ZBED4: variants seen among roughly 807,000 people sequenced by gnomAD.
ZBED4 encodes zinc finger BED domain-containing protein 4.
Under a neutral mutation model 15.5 loss-of-function variants are expected in ZBED4, and 4 were observed. The observed-to-expected ratio is 0.26, with a 90% CI of 0.13 to 0.59. ZBED4 has a LOEUF of 0.59. ZBED4 is among the 20% of genes least tolerant of loss of function. The pLI, the probability that ZBED4 is intolerant of heterozygous loss-of-function variation, is 0.90. For synonymous variants in ZBED4, 692 were observed against 608.5 expected (o/e 1.14, Z -2.02); for missense variants, 1,323 against 1,461.8 (o/e 0.91, Z 1.55).
At chr22:49,869,586 C>T (rs370569357) in intron 1 of ZBED4, among the ~76,000 whole-genome samples, 1 of 152,150 alleles carries the variant, frequency 6.6e-6, no homozygotes, top group East Asian at 1.9e-4. Flanking sequence ...AGATGTCATT[C>T]CTCTGTCTCC....
At position 49,888,283 on chromosome 22, in the gene ZBED4, CTGAG is replaced by C. The variant is rs1172960419; in HGVS notation, c.*1110_*1113del. ...TCTCATTTTAAACCAATTAAATATT[CTGAG>C]TGAGACTAATCACTCATTTGCCTAC... On this transcript the variant is annotated 3_prime_UTR_variant, in exon 2 of 2. Coordinates refer to ENST00000216268, the MANE Select transcript of ZBED4 (RefSeq NM_014838.3). The C allele has an allele frequency of 1.8e-5, 3 of 166,968 alleles. No individual in the cohort carries two copies. Among genetic ancestry groups the C allele is most frequent in the East Asian group, 1.9e-4 (1 of 5,326 alleles). The allele number at this position is 166,968 out of a possible 1,614,324, so 10.3% of individuals were successfully genotyped here.
intron 1 of ZBED4, among the ~76,000 whole-genome samples, chr22:49,869,008 G>A (rs76695107): frequency 6.7e-6 from 1 of 150,368 alleles, no homozygotes; most frequent in Non-Finnish European, 1.5e-5. Flanking sequence ...CCTGTAATCC[G>A]AGCTGCTTGT....
chr22:49,880,986 T>A (rs1157471907), intron 1 of ZBED4, among the ~76,000 whole-genome samples: 2 of 152,256 alleles, frequency 1.3e-5, no homozygotes, highest in African/African-American at 4.8e-5. Context: ...AAGCATATTT[T>A]AAAAATTTTA....
Position 49,853,884 on chromosome 22 carries a change from G to C in ZBED4, c.-435G>C, listed in dbSNP as rs1436046617. 2.1e-5 allele frequency: 3 copies of C among 144,832 alleles called. No homozygotes were observed. The highest frequency in any genetic ancestry group is 7.4e-5 in the African/African-American group (3 of 40,410). The allele number at this position is 144,832 out of a possible 1,614,324, so 9.0% of individuals were successfully genotyped here. A position where few individuals can be genotyped will look rare whatever the true frequency, so the allele number is the denominator to read the frequency against. On this transcript the variant is annotated 5_prime_UTR_variant, in exon 1 of 2. Transcript: ENST00000216268. ...GTCGCGGGCGGCGGGCGGCGGGGCC[G>C]CGGGAGGGGCGCGGGGGCAGACAAA...
intron 1 of ZBED4, among the ~76,000 whole-genome samples, chr22:49,858,104 G>A (rs943061856): frequency 6.6e-6 from 1 of 152,052 alleles, no homozygotes; most frequent in African/African-American, 2.4e-5. Flanking sequence ...CTGTCACCAT[G>A]TTGGCCAGGC....
intron 1 of ZBED4, among the ~76,000 whole-genome samples, chr22:49,881,513 G>A (rs937813480): frequency 2.6e-5 from 4 of 152,142 alleles, no homozygotes; most frequent in African/African-American, 7.2e-5. Context: ...AGCCTTCCAA[G>A]CAGCTGAGAT....
chr22:49,867,684 C>T (rs758771978), intron 1 of ZBED4, among the ~76,000 whole-genome samples: 7 of 152,178 alleles, frequency 4.6e-5, no homozygotes, highest in African/African-American at 7.2e-5. Flanking sequence ...GTGTATCACA[C>T]GCTTGATGAC....
At chr22:49,872,981 C>T (rs1478737247) in intron 1 of ZBED4, among the ~76,000 whole-genome samples, 1 of 152,186 alleles carries the variant, frequency 6.6e-6, no homozygotes, top group Non-Finnish European at 1.5e-5. Flanking sequence ...CAGGCGTGAA[C>T]TACCGCGCCC....
At chr22:49,861,395 G>T (rs2060296681) in intron 1 of ZBED4, among the ~76,000 whole-genome samples, 1 of 152,172 alleles carries the variant, frequency 6.6e-6, no homozygotes, top group Non-Finnish European at 1.5e-5. Flanking sequence ...GCCTGCCTCA[G>T]TCTCTCAAAG....
Position 49,883,576 on chromosome 22 carries a change from A to C in ZBED4, c.-87A>C. 1 of 1,431,440 alleles carries C rather than the reference A, an allele frequency of 7.0e-7. No homozygotes were observed. 88.7% of individuals were successfully genotyped at this position (1,431,440 alleles called of 1,614,324 possible). On this transcript the variant is annotated 5_prime_UTR_variant, in exon 2 of 2. The change abolishes the stop of an existing upstream ORF in the 5' untranslated region. Transcript: ENST00000216268. ...AAGATGGAATTATGACGAAAAAGTG[A>C]AGATAATCTACATTCGGGGGCACAA...
chr22:49,858,916 C>T (rs2060286010), intron 1 of ZBED4, among the ~76,000 whole-genome samples: 1 of 152,150 alleles, frequency 6.6e-6, no homozygotes, highest in African/African-American at 2.4e-5. Flanking sequence ...TGATTTGATA[C>T]AGGGGCACGT....
intron 1 of ZBED4, among the ~76,000 whole-genome samples, chr22:49,856,099 A>G (rs767854388): frequency 3.3e-5 from 5 of 152,144 alleles, no homozygotes; most frequent in Non-Finnish European, 5.9e-5. Flanking sequence ...AGGTTTTTCT[A>G]CATTCTGCAG....
intron 1 of ZBED4, among the ~76,000 whole-genome samples, chr22:49,869,367 C>T (rs940533452): frequency 3.3e-5 from 5 of 152,194 alleles, no homozygotes; most frequent in East Asian, 1.9e-4. Flanking sequence ...TTATCCACCT[C>T]GGGCCTTTTT....
chr22:49,869,721 A>G (rs764333860), intron 1 of ZBED4, among the ~76,000 whole-genome samples: 1 of 152,202 alleles, frequency 6.6e-6, no homozygotes, highest in African/African-American at 2.4e-5. Flanking sequence ...AACCCTGTGC[A>G]CGCATCCCCA....
At chr22:49,879,161 CAAAA>C (rs374622920) in intron 1 of ZBED4, among the ~76,000 whole-genome samples, 2 of 144,174 alleles carry the variant, frequency 1.4e-5, no homozygotes, top group Non-Finnish European at 3.0e-5. Context: ...AAACAAAAAA[CAAAA>C]AAAAACAGGA....
intron 1 of ZBED4, among the ~76,000 whole-genome samples, chr22:49,877,548 C>T (rs1434364831): frequency 1.3e-5 from 2 of 152,114 alleles, no homozygotes; most frequent in Non-Finnish European, 2.9e-5. Flanking sequence ...CCACCTTGGC[C>T]TCCCAAAGTG....
At chr22:49,871,705 G>C (rs2060348429) in intron 1 of ZBED4, among the ~76,000 whole-genome samples, 1 of 151,920 alleles carries the variant, frequency 6.6e-6, no homozygotes, top group Non-Finnish European at 1.5e-5. Context: ...TGACCAATCA[G>C]AGTGCAGATT....
intron 1 of ZBED4, among the ~76,000 whole-genome samples, chr22:49,861,768 G>T (rs1324134179): frequency 6.6e-6 from 1 of 152,224 alleles, no homozygotes; most frequent in Non-Finnish European, 1.5e-5. Flanking sequence ...CTCAGCACAT[G>T]TATGAATGTG....
chr22:49,861,296 C>T (rs1180324593), intron 1 of ZBED4, among the ~76,000 whole-genome samples: 1 of 152,072 alleles, frequency 6.6e-6, no homozygotes, highest in Non-Finnish European at 1.5e-5. Context: ...CACCCGCCAC[C>T]ACGCCCAGCT....
Sources: gnomAD v4.1 joint callset for allele counts (sites outside exome capture counted in the v4.1 genomes callset) on GRCh38, gnomAD v4.1.1 for gene constraint, MANE v1.5 for transcripts, NCBI Gene and HGNC (gene_info 2026-07-23, HGNC 2026-07-21) for gene names.